Variants in KCNIP4 observed in about 807,000 individuals in gnomAD.
KCNIP4 encodes Kv channel-interacting protein 4.
Under a neutral mutation model 34.0 loss-of-function variants are expected in KCNIP4, and 12 were observed. The ratio of observed to expected loss-of-function variants is 0.35; its 90% CI spans 0.23 to 0.57. The LOEUF is 0.57. Ranked by LOEUF, KCNIP4 falls within the 20% of genes least tolerant of loss-of-function variation. The pLI is 0.83. For synonymous variants in KCNIP4, 124 were observed against 102.2 expected (o/e 1.21, Z -1.29); for missense variants, 238 against 311.7 (o/e 0.76, Z 1.78).
chr4:20,750,660 G>C (rs1156961323), intron 4 of KCNIP4, among the ~76,000 whole-genome samples: 1 of 151,416 alleles, frequency 6.6e-6, no homozygotes, highest in Non-Finnish European at 1.5e-5. Flanking sequence ...TTTCCTTATT[G>C]TTTTCTGTTC....
chr4:21,902,048 G>A (rs757407436), intron 1 of KCNIP4, among the ~76,000 whole-genome samples: 1 of 152,162 alleles, frequency 6.6e-6, no homozygotes, highest in Non-Finnish European at 1.5e-5. Flanking sequence ...CAAGTCATCA[G>A]CTATATTACT....
intron 1 of KCNIP4, among the ~76,000 whole-genome samples, chr4:21,312,194 A>C (rs1185196477): frequency 6.6e-6 from 1 of 152,174 alleles, no homozygotes; most frequent in Non-Finnish European, 1.5e-5. Flanking sequence ...GACAAATGGG[A>C]GGAAAGGAAT....
chr4:21,303,795 G>A (rs902379127), intron 1 of KCNIP4: 31 of 1,606,582 alleles, frequency 1.9e-5, no homozygotes, highest in Non-Finnish European at 2.4e-5. Flanking sequence ...TCACTAAAAA[G>A]CACTCCCTTA....
At position 21,098,721 on chromosome 4, in the gene KCNIP4, ATGT is replaced by A. The variant is rs138972705; in HGVS notation, c.62-216015_62-216013del. Among the ~76,000 whole-genome samples the A allele has an allele frequency of 7.1e-3, 1,078 of 152,296 alleles. 19 individuals are homozygous for A. The highest frequency in any genetic ancestry group is 0.025 in the African/African-American group (1,020 of 41,562). Reference sequence around the variant, plus strand: ...CTGATGAAAACATATAAGGAGATTAATGTTGTTTTCACACCTGCTAACACAGCA... The same window carrying A: ...CTGATGAAAACATATAAGGAGATTAATGTTTTCACACCTGCTAACACAGCA... On this transcript the variant is annotated intron_variant, in intron 1 of 8. Transcript: ENST00000382152.
chr4:21,935,034 C>G (rs1211026357), intron 1 of KCNIP4, among the ~76,000 whole-genome samples: 1 of 152,016 alleles, frequency 6.6e-6, no homozygotes, highest in African/African-American at 2.4e-5. Context: ...CCTCCCATCA[C>G]CATAAGCAAA....
In KCNIP4 at chr4:21,416,850, C is replaced by G. The variant is rs551817451; in HGVS notation, c.61+531721G>C. 2.6e-5 allele frequency among the ~76,000 whole-genome samples: 4 copies of G among 152,240 alleles called. No individual in the cohort carries two copies. The South Asian group carries it at 8.3e-4, about 32-fold the overall frequency. On this transcript the variant is annotated intron_variant, in intron 1 of 8. Coordinates refer to ENST00000382152, the MANE Select transcript of KCNIP4 (RefSeq NM_025221.6). ...TTATTTGGGAAGAATTCCACTTGTT[C>G]AGGACTCAGACAGAAGACAGAATCA...
chr4:21,656,879 C>T (rs536354978), intron 1 of KCNIP4: 3 of 152,184 alleles, frequency 2.0e-5, no homozygotes, highest in African/African-American at 4.8e-5. Context: ...TTCTGCCAGG[C>T]TCAGGTTGGA....
intron 1 of KCNIP4, among the ~76,000 whole-genome samples, chr4:21,516,747 G>A (rs1734798975): frequency 6.6e-6 from 1 of 152,126 alleles, no homozygotes; most frequent in Non-Finnish European, 1.5e-5. Context: ...TATCTGAGAA[G>A]ATTTTAGCAA....
intron 1 of KCNIP4, among the ~76,000 whole-genome samples, chr4:21,439,134 C>G (rs1390919274): frequency 7.3e-6 from 1 of 137,860 alleles, no homozygotes; most frequent in Admixed American, 7.8e-5. Context: ...TGCACTCCAG[C>G]ATGGGCGACA....
chr4:21,328,915 T>A (rs1401478300), intron 1 of KCNIP4, among the ~76,000 whole-genome samples: 1 of 152,270 alleles, frequency 6.6e-6, no homozygotes, highest in Non-Finnish European at 1.5e-5. Context: ...GGCCCCAGGC[T>A]ACTTCAGTCA....
chr4:21,053,063 C>A (rs960437059), intron 1 of KCNIP4, among the ~76,000 whole-genome samples: 2 of 151,326 alleles, frequency 1.3e-5, no homozygotes, highest in Non-Finnish European at 2.9e-5. Flanking sequence ...AAATAAAAAT[C>A]TGAGAGAGAG....
chr4:21,321,999 A>G lies in KCNIP4; in HGVS notation c.62-439290T>C, dbSNP rs180739744. ...TGGTGGAAGGGAAGGAAGAGAAGGA[A>G]AAAAGGAAGGAAGGAGGGAGGGAGG... is the stretch of plus-strand genomic sequence containing the variant. On this transcript the variant is annotated intron_variant, in intron 1 of 8. Coordinates refer to ENST00000382152, the MANE Select transcript of KCNIP4 (RefSeq NM_025221.6). Among the ~76,000 whole-genome samples the G allele has an allele frequency of 2.1e-4, 29 of 137,740 alleles. No homozygotes were observed. In the East Asian group the frequency reaches 6.9e-3, roughly 33 times the overall value. The allele number at this position is 137,740 out of a possible 152,430, so 90.4% of individuals were successfully genotyped here.
At chr4:21,712,551 A>C (rs1713814023) in intron 1 of KCNIP4, among the ~76,000 whole-genome samples, 1 of 152,188 alleles carries the variant, frequency 6.6e-6, no homozygotes, top group Admixed American at 6.6e-5. Context: ...CAGAATGATT[A>C]TTCTCACAAA....
chr4:21,075,366 T>C (rs963160997), intron 1 of KCNIP4, among the ~76,000 whole-genome samples: 8 of 152,230 alleles, frequency 5.3e-5, no homozygotes, highest in African/African-American at 1.7e-4. Context: ...CTCTTCTTGT[T>C]GAATTGATCC....
chr4:21,068,799 T>G (rs532696090), intron 1 of KCNIP4, among the ~76,000 whole-genome samples: 16 of 152,332 alleles, frequency 1.1e-4, no homozygotes, highest in South Asian at 6.2e-4. Context: ...TCTAATGAGG[T>G]AAGACCCACA....
In KCNIP4 at chr4:20,729,060, CTAATTT is replaced by C. The variant is rs1277877608; in HGVS notation, c.*1016_*1021del. ...GTGCTTTCAAAGTGAATTTTGCTTG[CTAATTT>C]TGCTTGCTGTTTGTTCTTAGTAGAC... On this transcript the variant is annotated 3_prime_UTR_variant, in exon 9 of 9. Coordinates refer to ENST00000382152, the MANE Select transcript of KCNIP4 (RefSeq NM_025221.6). The C allele has an allele frequency of 4.3e-5, 3 of 69,770 alleles. No homozygotes were observed. Among genetic ancestry groups the C allele is most frequent in the Admixed American group, 1.2e-4 (1 of 8,602 alleles). The allele number at this position is 69,770 out of a possible 1,614,324, so 4.3% of individuals were successfully genotyped here.
At chr4:21,837,532 C>CCA in intron 1 of KCNIP4, among the ~76,000 whole-genome samples, 1 of 78,530 alleles carries the variant, frequency 1.3e-5, no homozygotes, top group East Asian at 5.1e-4. Context: ...AAAACGCTGT[C>CCA]AAAAAAAAAA....
At chr4:21,692,552 T>C (rs191407434) in intron 1 of KCNIP4, among the ~76,000 whole-genome samples, 6 of 152,346 alleles carry the variant, frequency 3.9e-5, no homozygotes, top group Admixed American at 3.3e-4. Flanking sequence ...TGCTTTCTTT[T>C]AGCTTCAGAA....
Position 21,226,236 on chromosome 4 carries a change from AGGG to A in KCNIP4, c.62-343530_62-343528del, listed in dbSNP as rs1758372634. Among the ~76,000 whole-genome samples, 4 of 36,838 alleles carry A rather than the reference AGGG, an allele frequency of 1.1e-4. 1 individual carries two copies. Among genetic ancestry groups the A allele is most frequent in the African/African-American group, 6.4e-4 (4 of 6,210 alleles). The allele number at this position is 36,838 out of a possible 152,430, so 24.2% of individuals were successfully genotyped here. ...AGGCCAGCCTGGGCAGCATAGGGGG[AGGG>A]AGGGGGGGAGGGAGGGAGGGAGGGA... On this transcript the variant is annotated intron_variant, in intron 1 of 8. Coordinates refer to ENST00000382152, the MANE Select transcript of KCNIP4 (RefSeq NM_025221.6).
Sources: allele counts gnomAD v4.1 joint callset (sites outside exome capture counted in the v4.1 genomes callset), GRCh38; gene constraint gnomAD v4.1.1; transcripts MANE v1.5; gene names NCBI Gene and HGNC (gene_info 2026-07-23, HGNC 2026-07-21).